The following KLHL5 variants were observed in gnomAD, a reference collection of about 807,000 sequenced individuals.
The protein encoded by KLHL5 is kelch like family member 5, also known as kelch-like protein 5.
KLHL5 carries 48 observed loss-of-function variants against 77.7 expected under a neutral mutation model. The observed-to-expected ratio is 0.62, with a 90% CI of 0.49 to 0.79. KLHL5 has a LOEUF of 0.79. Among genes scored for constraint, KLHL5 ranks in the 30% least tolerant of loss-of-function variants. KLHL5 has a pLI of 0.00. For synonymous variants in KLHL5, 260 were observed against 297.0 expected (o/e 0.88, Z 1.28); for missense variants, 723 against 859.7 (o/e 0.84, Z 1.99).
upstream of KLHL5, among the ~76,000 whole-genome samples, chr4:39,058,127 A>G (rs991464029): frequency 2.0e-5 from 3 of 152,204 alleles, no homozygotes; most frequent in East Asian, 5.8e-4. Flanking sequence ...GAGCTTTTGT[A>G]TCTCAAGTTT....
intron 1 of KLHL5, among the ~76,000 whole-genome samples, chr4:39,067,238 G>T (rs1337754315): frequency 6.6e-6 from 1 of 152,080 alleles, no homozygotes; most frequent in Non-Finnish European, 1.5e-5. Flanking sequence ...TGATGACCTT[G>T]GCAGTTTTGG....
chr4:39,081,455 G>A lies in KLHL5; in HGVS notation c.703+216G>A, dbSNP rs893271121. Among the ~76,000 whole-genome samples the A allele has an allele frequency of 1.3e-5, 2 of 152,016 alleles. No homozygotes were observed. The highest frequency in any genetic ancestry group is 2.9e-5 in the Non-Finnish European group (2 of 67,996). The stretch of plus-strand genomic sequence containing the variant: ...AAGTTTTTGAATGGCCCTTTAAAAT[G>A]TTAATATAAAAATTAAATGAATTAC... On this transcript the variant is annotated intron_variant, in intron 3 of 10. Transcript: ENST00000504108. The surrounding 1 kb of genome is among the most constrained non-coding windows in gnomAD (Gnocchi z 4.3).
chr4:39,068,368 A>T (rs1209714951), intron 1 of KLHL5, among the ~76,000 whole-genome samples: 3 of 152,094 alleles, frequency 2.0e-5, no homozygotes, highest in Non-Finnish European at 4.4e-5. Flanking sequence ...TCTCACATAT[A>T]TGCCCACATC....
chr4:39,080,767 G>A (rs1264591264), intron 2 of KLHL5, among the ~76,000 whole-genome samples: 1 of 151,790 alleles, frequency 6.6e-6, no homozygotes, highest in Non-Finnish European at 1.5e-5. Context: ...TTTTAAAAAT[G>A]GCTTAGTTTA....
chr4:39,119,705 C>T (rs1414380852), intron 10 of KLHL5, among the ~76,000 whole-genome samples: 2 of 152,234 alleles, frequency 1.3e-5, no homozygotes, highest in Non-Finnish European at 2.9e-5. Context: ...CACCTCACTA[C>T]CAGCCTTACC....
At chr4:39,128,664 A>C (rs929355939), downstream of KLHL5, among the ~76,000 whole-genome samples, 1 of 152,196 alleles carries the variant, frequency 6.6e-6, no homozygotes, top group African/African-American at 2.4e-5. Flanking sequence ...CTGTCTGTAC[A>C]TGACTAATAT....
chr4:39,077,394 A>G (rs944725805), intron 2 of KLHL5, among the ~76,000 whole-genome samples: 17 of 152,008 alleles, frequency 1.1e-4, no homozygotes, highest in Non-Finnish European at 2.1e-4. Context: ...CCCAGGAGGC[A>G]GAGCTTGCAG....
At chr4:39,089,829 A>C (rs1295505433) in intron 5 of KLHL5, among the ~76,000 whole-genome samples, 5 of 152,232 alleles carry the variant, frequency 3.3e-5, no homozygotes, top group Non-Finnish European at 5.9e-5. Context: ...TAAGTCTTCC[A>C]GTGGCTTTGA....
At chr4:39,072,575 G>A (rs1718583447) in intron 1 of KLHL5, among the ~76,000 whole-genome samples, 1 of 152,122 alleles carries the variant, frequency 6.6e-6, no homozygotes, top group Admixed American at 6.6e-5. Flanking sequence ...AATACGACTA[G>A]TGCAACTAAA....
intron 6 of KLHL5, among the ~76,000 whole-genome samples, chr4:39,100,017 T>C (rs1451062274): frequency 1.3e-5 from 2 of 152,258 alleles, no homozygotes; most frequent in African/African-American, 2.4e-5. Flanking sequence ...CTGTTATCTC[T>C]ATATTTATGT....
intron 8 of KLHL5, among the ~76,000 whole-genome samples, chr4:39,108,256 G>C (rs569406260): frequency 1.3e-5 from 2 of 152,050 alleles, no homozygotes; most frequent in South Asian, 4.2e-4. Flanking sequence ...AACAAATATA[G>C]GTAGAGCCAT....
At chr4:39,133,052 CATA>C in the KLHL5 span, among the ~76,000 whole-genome samples, 1 of 148,522 alleles carries the variant, frequency 6.7e-6, no homozygotes, top group African/African-American at 2.6e-5. Context: ...GTCGTCTGAC[CATA>C]ATAAAATAAT....
chr4:39,127,114 T>C (rs1254596134), downstream of KLHL5, among the ~76,000 whole-genome samples: 2 of 152,078 alleles, frequency 1.3e-5, no homozygotes, highest in African/African-American at 4.8e-5. Context: ...GGCTGGGGGA[T>C]TGCTTGAGCT....
At chr4:39,090,449 GTTTTTTT>G (rs746309553) in intron 5 of KLHL5, among the ~76,000 whole-genome samples, 1 of 135,004 alleles carries the variant, frequency 7.4e-6, no homozygotes, top group Non-Finnish European at 1.6e-5. Context: ...TTTTTGTATG[GTTTTTTT>G]TTTTTTTTTT....
intron 7 of KLHL5, among the ~76,000 whole-genome samples, chr4:39,106,704 C>G (rs901624066): frequency 4.6e-5 from 7 of 152,134 alleles, no homozygotes; most frequent in Non-Finnish European, 1.0e-4. Flanking sequence ...ATGTATGCAT[C>G]TGGTGCAGTT....
At chr4:39,113,372 G>C in intron 9 of KLHL5, 140 bp downstream of exon 9, 1 of 652,634 alleles carries the variant, frequency 1.5e-6, no homozygotes, top group South Asian at 2.0e-5. Context: ...CTTTATAACA[G>C]CCTGCTCTCA....
At chr4:39,059,615 G>C (rs2109279099), upstream of KLHL5, among the ~76,000 whole-genome samples, 1 of 152,270 alleles carries the variant, frequency 6.6e-6, no homozygotes, top group African/African-American at 2.4e-5. Context: ...AGGCTTGGTG[G>C]TGCACGCATG....
At chr4:39,100,727 G>A (rs923133935) in intron 6 of KLHL5, among the ~76,000 whole-genome samples, 1 of 152,136 alleles carries the variant, frequency 6.6e-6, no homozygotes, top group African/African-American at 2.4e-5. Flanking sequence ...TACCACATAA[G>A]ATGCAAATGC....
the KLHL5 span, among the ~76,000 whole-genome samples, chr4:39,138,262 G>A: frequency 2.6e-5 from 4 of 152,214 alleles, no homozygotes; most frequent in African/African-American, 4.8e-5. Flanking sequence ...GTATATACTC[G>A]AAGGAACAGA....
Sources: allele counts gnomAD v4.1 joint callset (sites outside exome capture counted in the v4.1 genomes callset), GRCh38; gene constraint gnomAD v4.1.1; non-coding constraint Gnocchi (gnomAD v3.1); transcripts MANE v1.5; gene names NCBI Gene and HGNC (gene_info 2026-07-23, HGNC 2026-07-21).